Variants in BCAR3 observed in about 807,000 individuals in gnomAD.
BCAR3 encodes breast cancer anti-estrogen resistance protein 3.
A neutral mutation model predicts 80.1 loss-of-function variants in BCAR3; 37 were observed. The observed-to-expected ratio is 0.46, with a 90% CI of 0.36 to 0.61. BCAR3 has a LOEUF of 0.61. Ranked by LOEUF, BCAR3 falls within the 20% of genes least tolerant of loss-of-function variation. BCAR3 has a pLI of 0.00. For missense variants in BCAR3, 978 were observed against 1,068.2 expected (o/e 0.92, Z 1.18); for synonymous variants, 389 against 418.9 (o/e 0.93, Z 0.87).
chr1:93,663,040 C>T (rs1647737104), intron 2 of BCAR3, among the ~76,000 whole-genome samples: 1 of 152,160 alleles, frequency 6.6e-6, no homozygotes. Context: ...TTCACCTTAT[C>T]GGGTGGCATT....
chr1:93,749,889 A>T (rs74101693), intron 2 of BCAR3, among the ~76,000 whole-genome samples: 15,972 of 132,842 alleles, frequency 0.12, 1,247 homozygotes, highest in African/African-American at 0.22. Flanking sequence ...ATCTTGACTT[A>T]TTTTTTTTTT....
chr1:93,731,761 A>C (rs1199297529), intron 2 of BCAR3, among the ~76,000 whole-genome samples: 1 of 152,256 alleles, frequency 6.6e-6, no homozygotes, highest in Non-Finnish European at 1.5e-5. Flanking sequence ...GAGAGATTAC[A>C]AAATGAGATT....
chr1:93,632,784 C>T (rs754612275), intron 3 of BCAR3, among the ~76,000 whole-genome samples: 24 of 152,072 alleles, frequency 1.6e-4, no homozygotes, highest in Non-Finnish European at 2.9e-4. Flanking sequence ...TTCAGGAGGC[C>T]GAGGCAGTGG....
intron 2 of BCAR3, among the ~76,000 whole-genome samples, chr1:93,830,646 ACT>A (rs1392084155): frequency 7.3e-5 from 11 of 151,538 alleles, no homozygotes; most frequent in Admixed American, 2.6e-4. Flanking sequence ...CCCTTCGCTG[ACT>A]CTCTTTTCGG....
intron 3 of BCAR3, among the ~76,000 whole-genome samples, chr1:93,611,895 G>A (rs1227729428): frequency 2.0e-5 from 3 of 152,158 alleles, no homozygotes; most frequent in Admixed American, 1.3e-4. Flanking sequence ...GTTATTTTTG[G>A]TATGAGAAAT....
intron 2 of BCAR3, among the ~76,000 whole-genome samples, chr1:93,765,550 C>T (rs1652115211): frequency 6.6e-6 from 1 of 152,192 alleles, no homozygotes; most frequent in Non-Finnish European, 1.5e-5. Flanking sequence ...GTGAAACCAT[C>T]GACACCATTC....
intron 2 of BCAR3, among the ~76,000 whole-genome samples, chr1:93,839,208 G>A (rs751854568): frequency 2.0e-5 from 3 of 152,148 alleles, no homozygotes; most frequent in Non-Finnish European, 2.9e-5. Context: ...TGGGAGAATC[G>A]CTTGAATCGT....
chr1:93,728,210 A>G (rs1032564639), intron 2 of BCAR3, among the ~76,000 whole-genome samples: 2 of 152,242 alleles, frequency 1.3e-5, no homozygotes, highest in Non-Finnish European at 2.9e-5. Context: ...TGAAATGAGA[A>G]ATTCCTTTGT....
In BCAR3 at chr1:93,592,163, T is replaced by A. The variant is rs236326; in HGVS notation, c.486+102A>T. 381,065 of 1,502,482 alleles carry A rather than the reference T, an allele frequency of 0.25. 59,075 individuals are homozygous for A. Among genetic ancestry groups the A allele is most frequent in the African/African-American group, 0.75 (53,442 of 71,390 alleles). 93.1% of individuals were successfully genotyped at this position (1,502,482 alleles called of 1,614,324 possible). A position where few individuals can be genotyped will look rare whatever the true frequency, so the allele number is the denominator to read the frequency against. Reference sequence around the variant, plus strand: ...GAGTATTTGTTTTTGGTTACACAGGTGCTTCCGCCCATGTGGCCTCGGAGT... The same window carrying A: ...GAGTATTTGTTTTTGGTTACACAGGAGCTTCCGCCCATGTGGCCTCGGAGT... On this transcript the variant is annotated intron_variant, in intron 4 of 11. Coordinates refer to ENST00000260502, the MANE Select transcript of BCAR3 (RefSeq NM_003567.4). The surrounding 1 kb of genome is among the most constrained non-coding windows in gnomAD (Gnocchi z 4.8).
intron 2 of BCAR3, among the ~76,000 whole-genome samples, chr1:93,751,306 T>G (rs1255524200): frequency 6.6e-6 from 1 of 152,140 alleles, no homozygotes; most frequent in Non-Finnish European, 1.5e-5. Context: ...ACTGTCAACA[T>G]AAACCTCTGG....
chr1:93,827,409 C>A (rs1014626170), intron 2 of BCAR3, among the ~76,000 whole-genome samples: 1 of 152,052 alleles, frequency 6.6e-6, no homozygotes, highest in Non-Finnish European at 1.5e-5. Context: ...TGACATCTGC[C>A]AGAATGGGAC....
intron 5 of BCAR3, among the ~76,000 whole-genome samples, chr1:93,587,701 C>CCA (rs1470813606): frequency 3.5e-5 from 5 of 143,200 alleles, no homozygotes; most frequent in Admixed American, 1.4e-4. Context: ...ACCCCCCCGC[C>CCA]AAAAAAAAAA....
intron 2 of BCAR3, among the ~76,000 whole-genome samples, chr1:93,756,216 C>G (rs770083506): frequency 7.2e-5 from 11 of 152,176 alleles, no homozygotes; most frequent in Non-Finnish European, 1.6e-4. Context: ...TTTCTTTCCC[C>G]CTTGTGTGTT....
chr1:93,566,766 C>T (rs909534450), intron 11 of BCAR3, among the ~76,000 whole-genome samples: 3 of 152,174 alleles, frequency 2.0e-5, no homozygotes, highest in Non-Finnish European at 4.4e-5. Context: ...TGTTGCCCAG[C>T]GCCCAGGCTG....
intron 2 of BCAR3, among the ~76,000 whole-genome samples, chr1:93,777,297 T>C (rs1366156984): frequency 6.6e-6 from 1 of 152,242 alleles, no homozygotes; most frequent in East Asian, 1.9e-4. Flanking sequence ...CAATTATTGA[T>C]ACCCAGAATT....
intron 2 of BCAR3, among the ~76,000 whole-genome samples, chr1:93,663,326 A>G (rs1479906233): frequency 1.3e-5 from 2 of 152,060 alleles, no homozygotes; most frequent in African/African-American, 4.8e-5. Flanking sequence ...TCTGATATGG[A>G]CCTTGGTTGC....
At chr1:93,753,851 A>G (rs1210073898) in intron 2 of BCAR3, 2 of 146,518 alleles carry the variant, frequency 1.4e-5, no homozygotes, top group African/African-American at 5.3e-5. Context: ...CCTTCCCCCA[A>G]CACACATGTA....
chr1:93,569,227 GC>G (rs1273957616), intron 9 of BCAR3, among the ~76,000 whole-genome samples: 7 of 152,212 alleles, frequency 4.6e-5, no homozygotes, highest in Non-Finnish European at 1.0e-4. Context: ...TCTTCACAAT[GC>G]CCTTTAAGAC....
intron 2 of BCAR3, chr1:93,753,342 A>C (rs1252140945): frequency 6.6e-6 from 1 of 152,184 alleles, no homozygotes; most frequent in Non-Finnish European, 1.5e-5. Flanking sequence ...TTGACATCTC[A>C]AGGAAATGTG....
Sources: allele counts gnomAD v4.1 joint callset (sites outside exome capture counted in the v4.1 genomes callset), GRCh38; gene constraint gnomAD v4.1.1; non-coding constraint Gnocchi (gnomAD v3.1); transcripts MANE v1.5; gene names NCBI Gene and HGNC (gene_info 2026-07-23, HGNC 2026-07-21).